Variants in DPP10 observed in about 807,000 individuals in gnomAD.
DPP10 encodes dipeptidyl peptidase like 10.
In DPP10, 33 loss-of-function variants were observed where a neutral mutation model predicts 120.9. The ratio of observed to expected loss-of-function variants is 0.27; its 90% CI spans 0.21 to 0.37. The LOEUF is 0.37. DPP10 is among the 10% of genes least tolerant of loss of function. DPP10 has a pLI of 1.00. For synonymous variants in DPP10, 337 were observed against 326.1 expected (o/e 1.03, Z -0.36); for missense variants, 816 against 942.8 (o/e 0.87, Z 1.76).
chr2:115,114,366 A>T (rs999373887), intron 1 of DPP10, among the ~76,000 whole-genome samples: 1 of 152,210 alleles, frequency 6.6e-6, no homozygotes, highest in African/African-American at 2.4e-5. Context: ...ATGAGCATGC[A>T]TTTGATTTAA....
chr2:115,030,971 T>C (rs747109404), intron 1 of DPP10, among the ~76,000 whole-genome samples: 3 of 152,194 alleles, frequency 2.0e-5, no homozygotes, highest in Non-Finnish European at 4.4e-5. Flanking sequence ...TATTTTAGGA[T>C]GTAGCCACAC....
intron 1 of DPP10, among the ~76,000 whole-genome samples, chr2:114,755,951 T>TAAAAAAAAAAAAAAAA (rs57668109): frequency 7.7e-6 from 1 of 129,736 alleles, no homozygotes; most frequent in African/African-American, 2.9e-5. Context: ...AGGAAGAAAT[T>TAAAAAAAAAAAAAAAA]AAAAAAAAAA....
At chr2:115,703,230 G>A (rs894500199) in intron 7 of DPP10, among the ~76,000 whole-genome samples, 1 of 151,422 alleles carries the variant, frequency 6.6e-6, no homozygotes, top group Non-Finnish European at 1.5e-5. Flanking sequence ...TTATTATTTT[G>A]CTTTGTGATT....
chr2:114,552,078 G>A lies in DPP10; in HGVS notation c.60+109240G>A, dbSNP rs1687929017. On this transcript the variant is annotated intron_variant, in intron 1 of 25. Coordinates refer to ENST00000410059, the MANE Select transcript of DPP10 (RefSeq NM_020868.6). ...AAGTTGTTTCGGCTAGGTACCGGCA[G>A]AGACAACATGGTACAGTGGAAGGAA... Among the ~76,000 whole-genome samples, 5 of 152,184 alleles carry A rather than the reference G, an allele frequency of 3.3e-5. No individual in the cohort carries two copies. The South Asian group carries it at 1.0e-3, about 31-fold the overall frequency.
chr2:115,558,961 C>G (rs1044512067), intron 5 of DPP10, among the ~76,000 whole-genome samples: 2 of 151,980 alleles, frequency 1.3e-5, no homozygotes, highest in African/African-American at 2.4e-5. Context: ...ATGAATTGCC[C>G]GCAGTGAGCT....
intron 5 of DPP10, among the ~76,000 whole-genome samples, chr2:115,613,165 G>A (rs1435928273): frequency 1.3e-5 from 2 of 152,220 alleles, no homozygotes; most frequent in South Asian, 2.1e-4. Flanking sequence ...CAGATGCTTG[G>A]ATGCTATTTT....
At chr2:115,572,372 A>G (rs2081386703) in intron 5 of DPP10, among the ~76,000 whole-genome samples, 1 of 152,184 alleles carries the variant, frequency 6.6e-6, no homozygotes. Context: ...TGAAAAAGTT[A>G]TGTTTTTCAA....
intron 1 of DPP10, among the ~76,000 whole-genome samples, chr2:114,977,920 T>A (rs1478639319): frequency 1.3e-5 from 2 of 152,120 alleles, no homozygotes; most frequent in African/African-American, 2.4e-5. Context: ...TCAAATTTTT[T>A]AACTGGTTTT....
rs539856856 is a variant in DPP10, at chr2:114,664,348, G to T, written c.60+221510G>T. Among the ~76,000 whole-genome samples, 3 of 152,036 alleles carry T rather than the reference G, an allele frequency of 2.0e-5. No individual in the cohort carries two copies. The East Asian group carries it at 5.9e-4, about 30-fold the overall frequency. ...GTTCAGTAGAAAGTCGTCATGTCTG[G>T]CCAGGCGTGGTGGCTCATGCCTGTC... On this transcript the variant is annotated intron_variant, in intron 1 of 25. Transcript: ENST00000410059.
At chr2:114,798,176 G>C (rs1410778415) in intron 1 of DPP10, among the ~76,000 whole-genome samples, 3 of 152,200 alleles carry the variant, frequency 2.0e-5, no homozygotes, top group Non-Finnish European at 2.9e-5. Flanking sequence ...GTGGTATCCA[G>C]GATGGAGTCC....
intron 1 of DPP10, among the ~76,000 whole-genome samples, chr2:115,190,962 A>G (rs1021938939): frequency 1.3e-5 from 2 of 152,192 alleles, no homozygotes; most frequent in Non-Finnish European, 2.9e-5. Flanking sequence ...TAACAAGAGA[A>G]GGTTTGGTTA....
intron 5 of DPP10, among the ~76,000 whole-genome samples, chr2:115,655,690 A>G (rs901222833): frequency 6.6e-6 from 1 of 151,684 alleles, no homozygotes; most frequent in Non-Finnish European, 1.5e-5. Context: ...TTAAATGAAT[A>G]ATGATGGAGA....
intron 1 of DPP10, among the ~76,000 whole-genome samples, chr2:114,550,499 G>T (rs112227727): frequency 6.6e-6 from 1 of 152,234 alleles, no homozygotes; most frequent in East Asian, 1.9e-4. Context: ...CCAGACATCT[G>T]CTGGCAGAGT....
chr2:115,083,363 C>T (rs552263272), intron 1 of DPP10, among the ~76,000 whole-genome samples: 18 of 152,208 alleles, frequency 1.2e-4, no homozygotes, highest in South Asian at 6.2e-4. Context: ...ATATATGTCC[C>T]GAGGCCCTAT....
chr2:115,561,128 T>G (rs1403507805), intron 5 of DPP10, among the ~76,000 whole-genome samples: 1 of 151,990 alleles, frequency 6.6e-6, no homozygotes, highest in Non-Finnish European at 1.5e-5. Context: ...GCGGGTGGAT[T>G]GTCTGAGCTC....
chr2:115,283,216 G>A (rs1031192976), intron 1 of DPP10, among the ~76,000 whole-genome samples: 12 of 151,558 alleles, frequency 7.9e-5, no homozygotes, highest in African/African-American at 2.9e-4. Context: ...ACTCAATTAC[G>A]GTATTATAAA....
Position 115,783,540 on chromosome 2 carries a change from A to G in DPP10, c.1531+1141A>G, listed in dbSNP as rs145274680. 6.6e-4 allele frequency among the ~76,000 whole-genome samples: 101 copies of G among 152,292 alleles called. 2 individuals carry two copies. Among genetic ancestry groups the G allele is most frequent in the African/African-American group, 2.3e-3 (95 of 41,574 alleles). On this transcript the variant is annotated intron_variant, in intron 17 of 25. Coordinates refer to ENST00000410059, the MANE Select transcript of DPP10 (RefSeq NM_020868.6). ...ATATTGTTCAAATAATGTCATATAG[A>G]CACTTAGTGCATGCCCGAGGCAACA...
intron 3 of DPP10, among the ~76,000 whole-genome samples, chr2:115,365,072 AATACT>A (rs2065003217): frequency 6.6e-6 from 1 of 152,144 alleles, no homozygotes; most frequent in Admixed American, 6.6e-5. Context: ...TATAAAGACT[AATACT>A]GTTCTTCCAA....
intron 5 of DPP10, among the ~76,000 whole-genome samples, chr2:115,685,650 TTTATC>T (rs1415969127): frequency 2.6e-5 from 4 of 152,184 alleles, no homozygotes; most frequent in African/African-American, 9.6e-5. Flanking sequence ...GACACTCTTA[TTTATC>T]TTATTTTAAA....
Sources: allele counts gnomAD v4.1 joint callset (sites outside exome capture counted in the v4.1 genomes callset), GRCh38; gene constraint gnomAD v4.1.1; transcripts MANE v1.5; gene names NCBI Gene and HGNC (gene_info 2026-07-23, HGNC 2026-07-21).